The following ROBO2 variants were observed in gnomAD, a reference collection of about 807,000 sequenced individuals.
ROBO2 encodes the protein roundabout guidance receptor 2.
Under a neutral mutation model 160.8 loss-of-function variants are expected in ROBO2, and 53 were observed. The ratio of observed to expected loss-of-function variants is 0.33; its 90% CI spans 0.26 to 0.41. The LOEUF is 0.41. ROBO2 is among the 10% of genes least tolerant of loss of function. ROBO2 has a pLI of 1.00. For missense variants in ROBO2, 1,577 were observed against 1,722.4 expected, an observed-to-expected ratio of 0.92 and a Z score of 1.49; for synonymous variants, 664 against 611.7, an observed-to-expected ratio of 1.09 and a Z score of -1.26.
At chr3:76,750,989 A>T (rs1463387530) in intron 2 of ROBO2, among the ~76,000 whole-genome samples, 5 of 151,868 alleles carry the variant, frequency 3.3e-5, no homozygotes, top group African/African-American at 4.8e-5. Context: ...CATTGCCAAG[A>T]CAATCCTAAG....
intron 2 of ROBO2, among the ~76,000 whole-genome samples, chr3:77,249,186 A>T (rs1258193345): frequency 6.6e-6 from 1 of 152,200 alleles, no homozygotes; most frequent in Non-Finnish European, 1.5e-5. Flanking sequence ...TGTCACAGTG[A>T]GAACTGGAAA....
chr3:76,626,779 G>T (rs1311177203), intron 2 of ROBO2, among the ~76,000 whole-genome samples: 3 of 151,702 alleles, frequency 2.0e-5, no homozygotes, highest in African/African-American at 7.3e-5. Flanking sequence ...TGCAAGTTCC[G>T]CCTCCCGGGT....
chr3:76,439,667 T>C (rs2076835771), intron 2 of ROBO2, among the ~76,000 whole-genome samples: 1 of 152,166 alleles, frequency 6.6e-6, no homozygotes, highest in Non-Finnish European at 1.5e-5. Flanking sequence ...GATGCAGATG[T>C]GAGATATTCT....
At chr3:76,805,270 G>A (rs1002740215) in intron 2 of ROBO2, among the ~76,000 whole-genome samples, 1 of 151,608 alleles carries the variant, frequency 6.6e-6, no homozygotes, top group Non-Finnish European at 1.5e-5. Context: ...CTTCACCTTC[G>A]ATTATTTTTT....
chr3:77,442,273 C>A (rs1042153618), intron 2 of ROBO2, among the ~76,000 whole-genome samples: 1 of 151,740 alleles, frequency 6.6e-6, no homozygotes, highest in East Asian at 2.0e-4. Context: ...GATCGCGCCA[C>A]TGAACTCCAG....
intron 2 of ROBO2, among the ~76,000 whole-genome samples, chr3:76,385,286 C>T (rs2108592589): frequency 6.6e-6 from 1 of 152,246 alleles, no homozygotes; most frequent in Non-Finnish European, 1.5e-5. Flanking sequence ...ACCATCACGC[C>T]CAGCCTGCCA....
At chr3:77,348,034 G>T (rs770799081) in intron 2 of ROBO2, among the ~76,000 whole-genome samples, 24 of 151,950 alleles carry the variant, frequency 1.6e-4, no homozygotes, top group Non-Finnish European at 2.6e-4. Flanking sequence ...CAGGATTTTT[G>T]ATTTTATACA....
intron 11 of ROBO2, among the ~76,000 whole-genome samples, chr3:77,564,162 G>A (rs1339646240): frequency 3.3e-5 from 5 of 152,018 alleles, no homozygotes; most frequent in South Asian, 2.1e-4. Context: ...AAAATACTAC[G>A]TTTCTATCAT....
chr3:76,423,732 G>A (rs115452814), intron 2 of ROBO2, among the ~76,000 whole-genome samples: 19 of 152,318 alleles, frequency 1.2e-4, no homozygotes, highest in African/African-American at 4.6e-4. Flanking sequence ...AAAGGTAAAA[G>A]TCCACCGGAT....
chr3:77,523,441 C>T (rs1346308870), intron 6 of ROBO2, among the ~76,000 whole-genome samples: 1 of 151,362 alleles, frequency 6.6e-6, no homozygotes, highest in African/African-American at 2.4e-5. Context: ...TTGTGAAGTT[C>T]ATTGGCCTTA....
chr3:76,320,412 T>C (rs1452413195), intron 2 of ROBO2, among the ~76,000 whole-genome samples: 1 of 152,182 alleles, frequency 6.6e-6, no homozygotes, highest in East Asian at 1.9e-4. Context: ...AATTCATTCC[T>C]TCTGTCAATT....
At chr3:76,628,528 G>T (rs2089822351) in intron 2 of ROBO2, among the ~76,000 whole-genome samples, 1 of 150,054 alleles carries the variant, frequency 6.7e-6, no homozygotes, top group East Asian at 2.0e-4. Context: ...CTCCCAAACT[G>T]CTGAGATTAA....
At chr3:76,592,710 T>C (rs566126868) in intron 2 of ROBO2, among the ~76,000 whole-genome samples, 53 of 151,618 alleles carry the variant, frequency 3.5e-4, no homozygotes, top group African/African-American at 1.2e-3. Context: ...TGGTGTAGAC[T>C]GATGGGACTT....
At chr3:77,502,499 T>C (rs1037581821) in intron 5 of ROBO2, among the ~76,000 whole-genome samples, 3 of 152,182 alleles carry the variant, frequency 2.0e-5, no homozygotes, top group Non-Finnish European at 2.9e-5. Context: ...ACTTGTATTC[T>C]TTTCTTCTCA....
chr3:76,212,248 G>T (rs907450171), intron 2 of ROBO2, among the ~76,000 whole-genome samples: 1 of 151,854 alleles, frequency 6.6e-6, no homozygotes, highest in Non-Finnish European at 1.5e-5. Flanking sequence ...TAATGGGGAC[G>T]TGTAAATAAC....
At chr3:77,205,923 T>C (rs1267208572) in intron 2 of ROBO2, among the ~76,000 whole-genome samples, 1 of 152,100 alleles carries the variant, frequency 6.6e-6, no homozygotes, top group East Asian at 1.9e-4. Context: ...ATGAGTGGCT[T>C]AAAACAACAG....
intron 2 of ROBO2, among the ~76,000 whole-genome samples, chr3:77,252,164 C>T (rs1200115317): frequency 6.6e-6 from 1 of 152,124 alleles, no homozygotes; most frequent in South Asian, 2.1e-4. Context: ...AGTCTTACGA[C>T]GTGAACATTA....
intron 2 of ROBO2, among the ~76,000 whole-genome samples, chr3:77,198,980 C>A (rs2082570498): frequency 6.6e-6 from 1 of 152,060 alleles, no homozygotes; most frequent in Non-Finnish European, 1.5e-5. Context: ...ATGTTAATGT[C>A]CTTGGCATTC....
At chr3:76,864,564 C>G (rs2071153993) in intron 2 of ROBO2, among the ~76,000 whole-genome samples, 1 of 151,988 alleles carries the variant, frequency 6.6e-6, no homozygotes, top group African/African-American at 2.4e-5. Context: ...CCAGCATGTG[C>G]CTTTATTTTG....
Sources: gnomAD v4.1 joint callset for allele counts (sites outside exome capture counted in the v4.1 genomes callset) on GRCh38, gnomAD v4.1.1 for gene constraint, MANE v1.5 for transcripts, NCBI Gene and HGNC (gene_info 2026-07-23, HGNC 2026-07-21) for gene names.